The following UMAD1 variants were observed in gnomAD, a reference collection of about 807,000 sequenced individuals.
UMAD1 encodes the protein UBAP1-MVB12-associated (UMA) domain containing 1.
UMAD1 carries 8 observed loss-of-function variants against 6.1 expected under a neutral mutation model. That is an observed-to-expected ratio of 1.30 (90% CI 0.76 to 2.35). The LOEUF is 2.35. Among genes scored for constraint, UMAD1 ranks in the 30% most tolerant of loss-of-function variants. The pLI is 0.00. For missense variants in UMAD1, 130 were observed against 78.4 expected, an observed-to-expected ratio of 1.66 and a Z score of -2.49; for synonymous variants, 56 against 31.4, an observed-to-expected ratio of 1.78 and a Z score of -2.61.
intron 1 of UMAD1, among the ~76,000 whole-genome samples, chr7:7,642,573 CAG>C (rs1468948457): frequency 3.6e-4 from 55 of 152,076 alleles, no homozygotes; most frequent in African/African-American, 1.2e-3. Flanking sequence ...TCTTTTAAAA[CAG>C]GGAGATGAGC....
intron 2 of UMAD1, among the ~76,000 whole-genome samples, chr7:7,716,441 A>G (rs1780906564): frequency 6.6e-6 from 1 of 152,232 alleles, no homozygotes; most frequent in Non-Finnish European, 1.5e-5. Context: ...GCAGCCTGAA[A>G]GATCGAGCTG....
chr7:7,774,136 C>A lies in UMAD1; in HGVS notation c.83-27534C>A, dbSNP rs527460688. Among the ~76,000 whole-genome samples the A allele has an allele frequency of 2.0e-5, 3 of 152,324 alleles. No homozygotes were observed. In the East Asian group the frequency reaches 5.8e-4, roughly 29 times the overall value. ...GCACCAAAATCTTCTTCCCCTTTCT[C>A]TGAGCAGCTTCTCAGGCTTAGATGC... On this transcript the variant is annotated intron_variant, in intron 2 of 3. Coordinates refer to ENST00000682710, the MANE Select transcript of UMAD1 (RefSeq NM_001302348.2).
chr7:7,821,951 T>C (rs765895112), intron 3 of UMAD1, among the ~76,000 whole-genome samples: 28 of 152,160 alleles, frequency 1.8e-4, no homozygotes, highest in Non-Finnish European at 2.9e-4. Flanking sequence ...TGAGTAATAA[T>C]CTATCACTTA....
chr7:7,669,381 A>G (rs1262172766), intron 1 of UMAD1, among the ~76,000 whole-genome samples: 2 of 152,150 alleles, frequency 1.3e-5, no homozygotes, highest in African/African-American at 2.4e-5. Flanking sequence ...TGTACCCCTC[A>G]TAGAGGGGAG....
rs1307420301 is a variant in UMAD1, at chr7:7,801,731, C to G, written c.144C>G (p.Asn48Lys). ...GCAAAACTTCGGACATAGAGGCCAA[C>G]CAACCTTTGGAGGTAAGTGAAACAG... Reference protein sequence around the residue: ...ARGKTSDIEANQPLETNKENS... With the variant: ...ARGKTSDIEAKQPLETNKENS... Residue 48 changes from asparagine (N) to lysine (K), a missense_variant, in exon 3 of 4, where the codon AAC (asparagine) becomes AAG (lysine). By Grantham distance (94) the Asn-to-Lys change is moderately conservative. Coordinates refer to ENST00000682710, the MANE Select transcript of UMAD1 (RefSeq NM_001302348.2). 1 of 717,908 alleles carries G rather than the reference C, an allele frequency of 1.4e-6. No individual in the cohort carries two copies. Among genetic ancestry groups the G allele is most frequent in the East Asian group, 2.7e-5 (1 of 37,296 alleles). 44.5% of individuals were successfully genotyped at this position (717,908 alleles called of 1,614,324 possible). A position where few individuals can be genotyped will look rare whatever the true frequency, so the allele number is the denominator to read the frequency against.
intron 2 of UMAD1, among the ~76,000 whole-genome samples, chr7:7,762,822 C>A (rs563819109): frequency 2.6e-5 from 4 of 152,092 alleles, no homozygotes; most frequent in Admixed American, 1.3e-4. Context: ...AATTTGTTTT[C>A]GTCGAAGGCT....
chr7:7,716,664 C>T (rs987798899), intron 2 of UMAD1, among the ~76,000 whole-genome samples: 1 of 152,040 alleles, frequency 6.6e-6, no homozygotes, highest in African/African-American at 2.4e-5. Flanking sequence ...GAGGCCGGCG[C>T]GGCCGGCGCG....
chr7:7,764,334 G>A (rs887901100), intron 2 of UMAD1, among the ~76,000 whole-genome samples: 2 of 152,086 alleles, frequency 1.3e-5, no homozygotes, highest in South Asian at 4.2e-4. Context: ...AAGAATAGAA[G>A]CTGCAGTTCT....
intron 2 of UMAD1, among the ~76,000 whole-genome samples, chr7:7,785,542 A>G (rs890492645): frequency 6.6e-6 from 1 of 152,212 alleles, no homozygotes; most frequent in Non-Finnish European, 1.5e-5. Context: ...TAATTGTGGG[A>G]TGGGGCAAAG....
chr7:7,711,665 T>C (rs1780768043), intron 2 of UMAD1, among the ~76,000 whole-genome samples: 1 of 152,156 alleles, frequency 6.6e-6, no homozygotes, highest in Non-Finnish European at 1.5e-5. Flanking sequence ...GTAAAATCAC[T>C]ATTGATCTCT....
intron 2 of UMAD1, among the ~76,000 whole-genome samples, chr7:7,728,696 G>C (rs1192782193): frequency 6.6e-6 from 1 of 151,366 alleles, no homozygotes; most frequent in Non-Finnish European, 1.5e-5. Flanking sequence ...GATTAAATAA[G>C]TAGCCATATC....
At chr7:7,705,933 T>C (rs1456925203) in intron 2 of UMAD1, among the ~76,000 whole-genome samples, 1 of 152,176 alleles carries the variant, frequency 6.6e-6, no homozygotes, top group Non-Finnish European at 1.5e-5. Context: ...TGTTCAATTT[T>C]GCTATGAACC....
chr7:7,745,714 T>C (rs75515238), intron 2 of UMAD1, among the ~76,000 whole-genome samples: 3,286 of 152,318 alleles, frequency 0.022, 128 homozygotes, highest in African/African-American at 0.074. Context: ...GAGACTTGAA[T>C]ATCACTGAGT....
At chr7:7,866,096 T>TA (rs1205393228) in intron 3 of UMAD1, among the ~76,000 whole-genome samples, 1 of 152,190 alleles carries the variant, frequency 6.6e-6, no homozygotes, top group African/African-American at 2.4e-5. Context: ...ATGGGTTTGG[T>TA]AAAATCTTAG....
chr7:7,867,159 G>A (rs1784247361), intron 3 of UMAD1, among the ~76,000 whole-genome samples: 2 of 152,180 alleles, frequency 1.3e-5, no homozygotes, highest in Admixed American at 1.3e-4. Context: ...AAGGGACTAA[G>A]CTAAGAGCCA....
intron 2 of UMAD1, among the ~76,000 whole-genome samples, chr7:7,764,063 T>C (rs913540967): frequency 6.6e-6 from 1 of 152,104 alleles, no homozygotes; most frequent in Admixed American, 6.6e-5. Context: ...GAGCAAATAA[T>C]CTGAAATAGA....
chr7:7,673,208 G>C (rs1215434718), intron 1 of UMAD1, 101 bp from the exon 2 acceptor site: 22 of 782,378 alleles, frequency 2.8e-5, no homozygotes, highest in Non-Finnish European at 4.6e-5. Context: ...GAATTCCTAA[G>C]AGTAACTATT....
At chr7:7,738,030 T>C (rs1033330431) in intron 2 of UMAD1, among the ~76,000 whole-genome samples, 12 of 152,216 alleles carry the variant, frequency 7.9e-5, no homozygotes, top group African/African-American at 2.4e-4. Context: ...ATGTTATCAA[T>C]TGAGAAAATG....
At chr7:7,773,709 G>C (rs976649615) in intron 2 of UMAD1, among the ~76,000 whole-genome samples, 4 of 152,182 alleles carry the variant, frequency 2.6e-5, no homozygotes, top group African/African-American at 9.7e-5. Flanking sequence ...GCAAAGTAAA[G>C]GTGCCAGTTT....
Sources: allele counts gnomAD v4.1 joint callset (sites outside exome capture counted in the v4.1 genomes callset), GRCh38; gene constraint gnomAD v4.1.1; transcripts MANE v1.5; gene names NCBI Gene and HGNC (gene_info 2026-07-23, HGNC 2026-07-21).